Variants in NUBPL observed in about 807,000 individuals in gnomAD.
NUBPL encodes NUBP iron-sulfur cluster assembly factor, mitochondrial.
Under a neutral mutation model 45.7 loss-of-function variants are expected in NUBPL, and 31 were observed. The ratio of observed to expected loss-of-function variants is 0.68; its 90% CI spans 0.51 to 0.92. The LOEUF (loss-of-function observed/expected upper bound fraction) is 0.92, where lower values mean the gene tolerates loss of function less well. NUBPL is among the 40% of genes least tolerant of loss of function. The probability of loss-of-function intolerance (pLI) is 0.00; values close to 1 mark genes in which losing one functional copy is unlikely to be tolerated. For missense variants in NUBPL, 401 were observed against 398.7 expected, an observed-to-expected ratio of 1.01 and a Z score of -0.05; for synonymous variants, 144 against 140.9, an observed-to-expected ratio of 1.02 and a Z score of -0.15.
intron 3 of NUBPL, among the ~76,000 whole-genome samples, chr14:31,584,004 ATGTGT>A (rs773487467): frequency 4.6e-5 from 7 of 152,198 alleles, no homozygotes; most frequent in Admixed American, 1.3e-4. Flanking sequence ...AAATTCACAA[ATGTGT>A]TGTGTTTTTC....
At chr14:31,726,419 C>T (rs2037926133) in intron 6 of NUBPL, among the ~76,000 whole-genome samples, 2 of 152,066 alleles carry the variant, frequency 1.3e-5, no homozygotes, top group South Asian at 4.1e-4. Flanking sequence ...GTTATTTTGG[C>T]TCATAAAAAT....
At chr14:31,690,860 TG>T (rs1267884231) in intron 6 of NUBPL, among the ~76,000 whole-genome samples, 4 of 152,212 alleles carry the variant, frequency 2.6e-5, no homozygotes, top group Admixed American at 6.5e-5. Context: ...TGAGTGCTTC[TG>T]AACCAGTGCC....
intron 7 of NUBPL, among the ~76,000 whole-genome samples, chr14:31,812,920 T>C (rs548842063): frequency 5.2e-4 from 79 of 151,748 alleles, no homozygotes; most frequent in Non-Finnish European, 9.0e-4. Context: ...TTAAAATCCA[T>C]GAAGGCCTCT....
At chr14:31,631,704 C>T (rs1248934239) in intron 4 of NUBPL, among the ~76,000 whole-genome samples, 2 of 152,034 alleles carry the variant, frequency 1.3e-5, no homozygotes, top group African/African-American at 4.8e-5. Flanking sequence ...CGTCCAAAGG[C>T]AGAAAACCGA....
At chr14:31,717,169 T>C (rs142151071) in intron 6 of NUBPL, among the ~76,000 whole-genome samples, 8 of 152,324 alleles carry the variant, frequency 5.3e-5, no homozygotes, top group Non-Finnish European at 8.8e-5. Context: ...TTCCCACTTC[T>C]ACTCTCTGTT....
chr14:31,601,294 G>A (rs1270397431), intron 4 of NUBPL, among the ~76,000 whole-genome samples: 1 of 152,174 alleles, frequency 6.6e-6, no homozygotes, highest in Non-Finnish European at 1.5e-5. Flanking sequence ...TGTGAAGAAA[G>A]TCATTGGTAG....
intron 3 of NUBPL, among the ~76,000 whole-genome samples, chr14:31,582,749 C>T (rs116409982): frequency 1.1e-3 from 173 of 152,172 alleles, no homozygotes; most frequent in African/African-American, 4.1e-3. Context: ...ATAAACGATA[C>T]ATGTTTTGAG....
intron 8 of NUBPL, among the ~76,000 whole-genome samples, chr14:31,831,060 T>TTTA (rs60308003): frequency 0.39 from 58,250 of 150,798 alleles, 12,358 homozygotes; most frequent in East Asian, 0.6. Flanking sequence ...TTATTTATTT[T>TTTA]TTTGAGACAG....
chr14:31,659,442 T>C (rs2036217495), intron 4 of NUBPL, among the ~76,000 whole-genome samples: 1 of 152,170 alleles, frequency 6.6e-6, no homozygotes, highest in Admixed American at 6.6e-5. Context: ...ACATATAAAA[T>C]AGGCTGGAGG....
intron 6 of NUBPL, among the ~76,000 whole-genome samples, chr14:31,676,284 A>G (rs1209685544): frequency 1.3e-5 from 2 of 151,690 alleles, no homozygotes; most frequent in African/African-American, 2.4e-5. Context: ...CGGTCTCCCA[A>G]AGTGCTGGGA....
chr14:31,848,746 G>C (rs1025971773), intron 9 of NUBPL, among the ~76,000 whole-genome samples: 1 of 151,970 alleles, frequency 6.6e-6, no homozygotes, highest in African/African-American at 2.4e-5. Context: ...TCCCCTTCTT[G>C]GTCTAATCTT....
At chr14:31,660,920 G>C (rs1202080712) in intron 4 of NUBPL, among the ~76,000 whole-genome samples, 1 of 152,108 alleles carries the variant, frequency 6.6e-6, no homozygotes, top group East Asian at 1.9e-4. Flanking sequence ...AGTTATCCCT[G>C]GAACATGTAA....
intron 8 of NUBPL, among the ~76,000 whole-genome samples, chr14:31,842,106 T>C (rs1174511939): frequency 1.3e-5 from 2 of 151,376 alleles, no homozygotes; most frequent in Non-Finnish European, 2.9e-5. Flanking sequence ...AATTTTTGTA[T>C]TTTTAGTAGA....
intron 3 of NUBPL, among the ~76,000 whole-genome samples, chr14:31,594,243 C>T (rs966249095): frequency 6.6e-6 from 1 of 152,028 alleles, no homozygotes; most frequent in African/African-American, 2.4e-5. Flanking sequence ...CGTGGTGAAA[C>T]CCTGTCCCTA....
intron 6 of NUBPL, among the ~76,000 whole-genome samples, chr14:31,757,467 A>C (rs564402033): frequency 3.7e-4 from 56 of 152,230 alleles, no homozygotes; most frequent in African/African-American, 1.3e-3. Flanking sequence ...CATTTCTTCC[A>C]GATTTTCTAG....
At chr14:31,830,422 G>A (rs1157186767) in intron 8 of NUBPL, among the ~76,000 whole-genome samples, 1 of 152,134 alleles carries the variant, frequency 6.6e-6, no homozygotes, top group East Asian at 1.9e-4. Context: ...CAGGCTATCA[G>A]GGATGACTTT....
chr14:31,711,544 T>C (rs1204865673), intron 6 of NUBPL, among the ~76,000 whole-genome samples: 1 of 151,982 alleles, frequency 6.6e-6, no homozygotes, highest in Non-Finnish European at 1.5e-5. Context: ...GTTGCAAAAA[T>C]GTGTCTGGAA....
At chr14:31,632,398 TCTC>T (rs1318307111) in intron 4 of NUBPL, among the ~76,000 whole-genome samples, 1 of 152,082 alleles carries the variant, frequency 6.6e-6, no homozygotes, top group Admixed American at 6.5e-5. Context: ...TTGACCACCC[TCTC>T]CTCCTTCTTT....
At chr14:31,586,648 A>G (rs2034003799) in intron 3 of NUBPL, among the ~76,000 whole-genome samples, 1 of 152,082 alleles carries the variant, frequency 6.6e-6, no homozygotes, top group African/African-American at 2.4e-5. Flanking sequence ...CTCACTAGAC[A>G]TTTTCTAGAT....
Sources: gnomAD v4.1 joint callset for allele counts (sites outside exome capture counted in the v4.1 genomes callset) on GRCh38, gnomAD v4.1.1 for gene constraint, MANE v1.5 for transcripts, NCBI Gene and HGNC (gene_info 2026-07-23, HGNC 2026-07-21) for gene names.